The following APBA2 variants were observed in gnomAD, a reference collection of about 807,000 sequenced individuals.
APBA2 encodes the protein amyloid beta precursor protein binding family A member 2, also known as amyloid-beta A4 precursor protein-binding family A member 2.
Under a neutral mutation model 75.0 loss-of-function variants are expected in APBA2, and 30 were observed. The ratio of observed to expected loss-of-function variants is 0.40; its 90% CI spans 0.30 to 0.54. APBA2 has a LOEUF of 0.54. APBA2 is among the 20% of genes least tolerant of loss of function. The probability of loss-of-function intolerance (pLI) is 0.49; values close to 1 mark genes in which losing one functional copy is unlikely to be tolerated. For synonymous variants in APBA2, 444 were observed against 409.6 expected, an observed-to-expected ratio of 1.08 and a Z score of -1.01; for missense variants, 801 against 1,016.1, an observed-to-expected ratio of 0.79 and a Z score of 2.88.
intron 3 of APBA2, among the ~76,000 whole-genome samples, chr15:29,041,293 A>G (rs2041029313): frequency 6.6e-6 from 1 of 152,102 alleles, no homozygotes; most frequent in Non-Finnish European, 1.5e-5. Context: ...CAATATGGTA[A>G]GACCTCTTCT....
In APBA2 at chr15:29,001,331, C is replaced by A. The variant is rs151002347; in HGVS notation, c.-41+5525C>A. Among the ~76,000 whole-genome samples the A allele has an allele frequency of 3.4e-3, 525 of 152,256 alleles. 3 individuals carry two copies. The highest frequency in any genetic ancestry group is 0.01 in the Middle Eastern group (3 of 294). The stretch of plus-strand genomic sequence containing the variant: ...GCTCAAGCAATCTTCCCACCTCAGC[C>A]CCCTGAGTAGCTAGGACTACAGGTG... On this transcript the variant is annotated intron_variant, in intron 3 of 14. Transcript: ENST00000683413.
At chr15:28,988,002 C>T (rs1475595806) in intron 2 of APBA2, among the ~76,000 whole-genome samples, 2 of 151,662 alleles carry the variant, frequency 1.3e-5, no homozygotes, top group African/African-American at 4.8e-5. Flanking sequence ...AGTGGTCTGC[C>T]CGCCTCAGCC....
chr15:28,947,725 C>T (rs1395838261), intron 2 of APBA2, among the ~76,000 whole-genome samples: 1 of 152,158 alleles, frequency 6.6e-6, no homozygotes, highest in Non-Finnish European at 1.5e-5. Context: ...GAGGCCTCAG[C>T]AAAGCGCCTC....
intron 6 of APBA2, among the ~76,000 whole-genome samples, 169 bp from the exon 7 acceptor site, chr15:29,092,906 A>C (rs1450971052): frequency 6.6e-6 from 1 of 152,184 alleles, no homozygotes; most frequent in African/African-American, 2.4e-5. Context: ...CGGGGTAGTG[A>C]GGGAAGCAGA....
At position 28,910,056 on chromosome 15, in the gene APBA2, A is replaced by G. The variant is rs186901543; in HGVS notation, c.-204-11584A>G. On this transcript the variant is annotated intron_variant, in intron 1 of 14. Transcript: ENST00000683413. Reference sequence around the variant, plus strand: ...TACCCAGAAAGAGAGTTTAAACATTATTTAGAGAGGTGGAAAACAGCCACC... The same window carrying G: ...TACCCAGAAAGAGAGTTTAAACATTGTTTAGAGAGGTGGAAAACAGCCACC... Among the ~76,000 whole-genome samples the G allele has an allele frequency of 7.0e-4, 106 of 152,340 alleles. 1 individual carries two copies. The highest frequency in any genetic ancestry group is 6.6e-3 in the South Asian group (32 of 4,830).
In APBA2 at chr15:28,943,453, C is replaced by T. The variant is rs73366770; in HGVS notation, c.-95+21704C>T. ...ATCTGCGACTTCCAAAGAGCATTGG[C>T]CTGCACTGTCCTATGAAATGCTACC... On this transcript the variant is annotated intron_variant, in intron 2 of 14. Transcript: ENST00000683413. Among the ~76,000 whole-genome samples the T allele has an allele frequency of 5.6e-3, 853 of 152,328 alleles. 10 individuals carry two copies. The highest frequency in any genetic ancestry group is 0.02 in the African/African-American group (815 of 41,574).
intron 3 of APBA2, among the ~76,000 whole-genome samples, chr15:29,044,921 G>A (rs1039734127): frequency 1.3e-5 from 2 of 152,166 alleles, no homozygotes; most frequent in Non-Finnish European, 2.9e-5. Flanking sequence ...GGCAGATTCA[G>A]TGTCTGCTGA....
chr15:29,055,331 C>T (rs936614009), intron 4 of APBA2, among the ~76,000 whole-genome samples: 3 of 152,138 alleles, frequency 2.0e-5, no homozygotes, highest in African/African-American at 7.2e-5. Context: ...TCTGAAAGCC[C>T]GGGGGCCTTG....
chr15:28,967,955 C>A (rs1360360722), intron 2 of APBA2, among the ~76,000 whole-genome samples: 1 of 152,196 alleles, frequency 6.6e-6, no homozygotes, highest in South Asian at 2.1e-4. Flanking sequence ...TGTCCATTCC[C>A]CTCTTTTCAC....
intron 8 of APBA2, among the ~76,000 whole-genome samples, chr15:29,097,308 A>AGAG (rs2043894496): frequency 1.3e-5 from 2 of 152,262 alleles, no homozygotes; most frequent in South Asian, 4.1e-4. Context: ...CACTGGCAGG[A>AGAG]GGGGCTGTGG....
intron 1 of APBA2, among the ~76,000 whole-genome samples, chr15:28,892,243 T>G (rs530922689): frequency 6.6e-6 from 1 of 151,998 alleles, no homozygotes; most frequent in East Asian, 1.9e-4. Context: ...CCTGGTTAAT[T>G]TTTTTGGATT....
At chr15:29,011,391 G>C (rs956539671) in intron 3 of APBA2, among the ~76,000 whole-genome samples, 6 of 152,158 alleles carry the variant, frequency 3.9e-5, no homozygotes, top group Non-Finnish European at 5.9e-5. Context: ...CCTTTGAAAT[G>C]TGGGTTATTT....
At chr15:29,065,388 T>C (rs1414571332) in intron 4 of APBA2, among the ~76,000 whole-genome samples, 1 of 152,208 alleles carries the variant, frequency 6.6e-6, no homozygotes, top group East Asian at 1.9e-4. Context: ...CAAGATGTGA[T>C]AGCGTGGTGA....
intron 2 of APBA2, among the ~76,000 whole-genome samples, chr15:28,968,090 G>A (rs145203446): frequency 1.1e-3 from 161 of 152,298 alleles, no homozygotes; most frequent in African/African-American, 3.5e-3. Flanking sequence ...TAGTGTTCTC[G>A]CAACGTTGTA....
chr15:29,050,620 AAC>A (rs1468741771), intron 3 of APBA2, among the ~76,000 whole-genome samples: 17 of 152,278 alleles, frequency 1.1e-4, no homozygotes, highest in Admixed American at 7.2e-4. Flanking sequence ...CATTTTTGAA[AAC>A]TTGAATAACA....
At chr15:28,892,125 A>AG (rs1252198970) in intron 1 of APBA2, among the ~76,000 whole-genome samples, 6 of 152,160 alleles carry the variant, frequency 3.9e-5, no homozygotes, top group African/African-American at 1.4e-4. Context: ...CCCAGGCTGG[A>AG]GTGCAGTGGC....
At chr15:29,075,880 T>C (rs1369088546) in intron 5 of APBA2, among the ~76,000 whole-genome samples, 175 bp from the exon 6 acceptor site, 1 of 152,192 alleles carries the variant, frequency 6.6e-6, no homozygotes, top group Non-Finnish European at 1.5e-5. Context: ...CCCAACATCA[T>C]GTTGCCTGCA....
intron 2 of APBA2, among the ~76,000 whole-genome samples, chr15:28,954,335 C>G (rs563588590): frequency 1.3e-5 from 2 of 152,272 alleles, no homozygotes; most frequent in South Asian, 4.2e-4. Flanking sequence ...GACCAGAGCT[C>G]TCCGTTCCCT....
At chr15:28,960,913 C>T (rs1325839891) in intron 2 of APBA2, among the ~76,000 whole-genome samples, 2 of 152,054 alleles carry the variant, frequency 1.3e-5, no homozygotes, top group Non-Finnish European at 2.9e-5. Flanking sequence ...GCGTGCACCA[C>T]CATGCCTGGC....
Sources: allele counts gnomAD v4.1 joint callset (sites outside exome capture counted in the v4.1 genomes callset), GRCh38; gene constraint gnomAD v4.1.1; transcripts MANE v1.5; gene names NCBI Gene and HGNC (gene_info 2026-07-23, HGNC 2026-07-21).